The following ARHGAP4 variants were observed in gnomAD, a reference collection of about 807,000 sequenced individuals.
ARHGAP4 encodes Rho GTPase activating protein 4.
In ARHGAP4, 25 loss-of-function variants were observed where a neutral mutation model predicts 67.6. That is an observed-to-expected ratio of 0.37 (90% CI 0.27 to 0.52). The LOEUF (loss-of-function observed/expected upper bound fraction) is 0.52, where lower values mean the gene tolerates loss of function less well. Among genes scored for constraint, ARHGAP4 ranks in the 20% least tolerant of loss-of-function variants. The probability of loss-of-function intolerance (pLI) is 0.92; values close to 1 mark genes in which losing one functional copy is unlikely to be tolerated. For synonymous variants in ARHGAP4, 448 were observed against 373.7 expected (o/e 1.20, Z -2.29); for missense variants, 804 against 854.6 (o/e 0.94, Z 0.74).
In ARHGAP4 at chrX:153,921,789, C is replaced by G; in HGVS notation, c.88G>C (p.Glu30Gln). 8.4e-7 allele frequency: 1 copy of G among 1,191,509 alleles called. No homozygotes were observed. Among genetic ancestry groups the G allele is most frequent in the Non-Finnish European group, 1.1e-6 (1 of 886,711 alleles). ...QVKEMRWQLS[E>Q]QLRCLELQGE... is the part of the protein sequence containing the mutation. ...TGCAGCTCCAGGCAGCGCAGCTGCT[C>G]GCTCAGCTGCCAGCGCATCTCTGTG... Residue 30 changes from glutamate to glutamine, a missense_variant, in exon 2 of 22, where the codon GAG becomes CAG. By Grantham distance (29) the Glu-to-Gln change is conservative. Around this residue, in one of 2 missense-constraint regions of ARHGAP4, gnomAD observed 404 missense variants for 505.9 expected, o/e 0.80. Coordinates refer to ENST00000350060, the MANE Select transcript of ARHGAP4 (RefSeq NM_001666.5).
chrX:153,909,606 G>C, intron 19 of ARHGAP4, 71 bp from the exon 20 acceptor site: 2 of 1,111,670 alleles, frequency 1.8e-6, no homozygotes, highest in Non-Finnish European at 1.2e-6. Context: ...GCAGCTCCGC[G>C]CCAGCCAGGA....
Position 153,913,872 on chromosome X carries a change from T to C in ARHGAP4, c.1040A>G (p.Glu347Gly). ...YHPHDGDEVAEICVEMELRDE... is the reference protein window; with the variant it reads ...YHPHDGDEVAGICVEMELRDE... ...CCGCAGCTCCATTTCAACGCAGATCTCAGCCACCTGCAGAGGGCGGCGGCC... is the reference window on the plus strand; with the variant it reads ...CCGCAGCTCCATTTCAACGCAGATCCCAGCCACCTGCAGAGGGCGGCGGCC... Residue 347 changes from glutamate (E) to glycine (G), a missense_variant, in exon 8 of 22, where the codon GAG (glutamate) becomes GGG (glycine). This residue lies in a region of ARHGAP4 where 404 missense variants were observed against 505.9 expected (regional missense o/e 0.80). Coordinates refer to ENST00000350060, the MANE Select transcript of ARHGAP4 (RefSeq NM_001666.5). 1.7e-6 allele frequency: 2 copies of C among 1,211,714 alleles called. No individual in the cohort carries two copies. The highest frequency in any genetic ancestry group is 2.2e-6 in the Non-Finnish European group (2 of 895,216).
At chrX:153,925,095 G>A (rs782143506) in intron 1 of ARHGAP4, among the ~76,000 whole-genome samples, 1 of 111,960 alleles carries the variant, frequency 8.9e-6, no homozygotes, top group African/African-American at 3.2e-5. Context: ...TTTTGGGGAA[G>A]CAGGATGGAG....
intron 7 of ARHGAP4, among the ~76,000 whole-genome samples, chrX:153,914,898 G>T (rs1557104030): frequency 8.9e-6 from 1 of 111,757 alleles, no homozygotes; most frequent in East Asian, 2.8e-4. Flanking sequence ...AGAAAGGAAG[G>T]AATTACTCTT....
At chrX:153,919,718 G>A (rs1328100873) in intron 5 of ARHGAP4, 1 of 1,103,476 alleles carries the variant, frequency 9.1e-7, no homozygotes, top group Non-Finnish European at 1.2e-6. Flanking sequence ...AAAGGGTAGG[G>A]ATAGATCATC....
Position 153,926,246 on chromosome X carries a change from G to A in ARHGAP4, c.-44C>T. 2 of 1,053,082 alleles carry A rather than the reference G, an allele frequency of 1.9e-6. No individual in the cohort carries two copies. Among genetic ancestry groups the A allele is most frequent in the East Asian group, 4.3e-5 (1 of 23,404 alleles). 86.8% of individuals were successfully genotyped at this position (1,053,082 alleles called of 1,213,427 possible). ...CCGTCGAACCCCACTGCTCCCACGC[G>A]GCCGTGAGCGGGCCCGGCGCCGGGA... On this transcript the variant is annotated 5_prime_UTR_variant, in exon 1 of 22. Transcript: ENST00000350060.
In ARHGAP4 at chrX:153,921,505, G is replaced by A; in HGVS notation, c.295C>T (p.Pro99Ser). The A allele has an allele frequency of 8.4e-7, 1 of 1,194,933 alleles. No individual in the cohort carries two copies. The highest frequency in any genetic ancestry group is 1.1e-6 in the Non-Finnish European group (1 of 886,451). ...SFRKEPSLLS[P>S]LHCWAVLLQH... The stretch of plus-strand genomic sequence containing the variant: ...AGCAGCACCGCCCAGCAGTGCAAGG[G>A]CGACAGGAGGGACGGCTCCTTCCTG... The change falls in exon 3 of 22, where the codon CCC becomes TCC. Residue 99 changes from proline to serine, a missense_variant. By Grantham distance (74) the Pro-to-Ser change is moderately conservative (BLOSUM62 -1). Around this residue, in one of 2 missense-constraint regions of ARHGAP4, gnomAD observed 404 missense variants for 505.9 expected, o/e 0.80. Transcript: ENST00000350060.
intron 1 of ARHGAP4, among the ~76,000 whole-genome samples, chrX:153,924,047 G>A (rs1406524232): frequency 8.9e-6 from 1 of 111,899 alleles, no homozygotes; most frequent in African/African-American, 3.3e-5. Flanking sequence ...CCAAAGTGCT[G>A]GGATTACAGA....
chrX:153,909,883 T>G lies in ARHGAP4; in HGVS notation c.2272A>C (p.Thr758Pro). The change falls in exon 19 of 22, where the codon ACG (threonine) becomes CCG (proline). Residue 758 changes from threonine (T) to proline (P), a missense_variant. Physicochemically the swap from Thr to Pro is conservative, Grantham distance 38. Around this residue, in one of 2 missense-constraint regions of ARHGAP4, gnomAD observed 400 missense variants for 348.7 expected, o/e 1.15. Coordinates refer to ENST00000350060, the MANE Select transcript of ARHGAP4 (RefSeq NM_001666.5). ...VVEAVACFAY[T>P]GRTAQELSFR... ...CTCAGCTCCTGGGCTGTGCGGCCCG[T>G]GTAGGCAAAGCAGGCCACAGCCTCC... 2 of 1,203,922 alleles carry G rather than the reference T, an allele frequency of 1.7e-6. No homozygotes were observed. The highest frequency in any genetic ancestry group is 2.2e-6 in the Non-Finnish European group (2 of 892,455).
chrX:153,921,022 G>C, intron 4 of ARHGAP4, 75 bp downstream of exon 4: 1 of 1,118,898 alleles, frequency 8.9e-7, no homozygotes, highest in Non-Finnish European at 1.2e-6. Context: ...ATGGTCTGGC[G>C]GTGTTCCTCC....
intron 1 of ARHGAP4, chrX:153,922,601 C>A (rs1557105579): frequency 1.0e-5 from 2 of 194,012 alleles, no homozygotes; most frequent in Non-Finnish European, 7.8e-6. Context: ...AAAGAAGTGC[C>A]TGTCCAGCAA....
chrX:153,919,167 C>T lies in ARHGAP4; in HGVS notation c.798G>A (p.Leu266=). The change falls in exon 6 of 22, where the codon TTG becomes TTA. Residue 266 remains leucine, a synonymous_variant. Coordinates refer to ENST00000350060, the MANE Select transcript of ARHGAP4 (RefSeq NM_001666.5). Reference sequence around the variant, plus strand: ...ACCAAGGACTCACGTCCATGAGGTCCAAGACGTCATGCAGGTAGTAGTTAC... The same window carrying T: ...ACCAAGGACTCACGTCCATGAGGTCTAAGACGTCATGCAGGTAGTAGTTAC... ...AVSNYYLHDV[L]DLMDCCDTGF... The T allele has an allele frequency of 8.2e-7, 1 of 1,212,134 alleles. No homozygotes were observed. Among genetic ancestry groups the T allele is most frequent in the Non-Finnish European group, 1.1e-6 (1 of 895,568 alleles).
Position 153,919,240 on chromosome X carries a change from G to A in ARHGAP4, c.725C>T (p.Ala242Val). ...FMEHKLKCTK[A>V]RNEYLLSLAS... ...CAGGCTAAGCAGGTACTCGTTGCGC[G>A]CCTTTGTGCACTTGAGTTTGTGCTC... The change falls in exon 6 of 22, where the codon GCG (alanine) becomes GTG (valine). Residue 242 changes from alanine (A) to valine (V), a missense_variant. Ala to Val is a moderately conservative substitution (Grantham distance 64, BLOSUM62 0). Transcript: ENST00000350060. 3.3e-6 allele frequency: 4 copies of A among 1,212,145 alleles called. No homozygotes were observed. Among genetic ancestry groups the A allele is most frequent in the Non-Finnish European group, 3.3e-6 (3 of 895,594 alleles).
At chrX:153,918,556 A>G (rs2065070635) in intron 7 of ARHGAP4, among the ~76,000 whole-genome samples, 1 of 112,992 alleles carries the variant, frequency 8.9e-6, no homozygotes, top group Non-Finnish European at 1.9e-5. Context: ...ACGAAATTTA[A>G]AAACACAGAG....
Position 153,913,899 on chromosome X carries a change from G to A in ARHGAP4, c.1033-20C>T, listed in dbSNP as rs1365329732. The A allele has an allele frequency of 7.6e-6, 9 of 1,188,400 alleles. No homozygotes were observed. The highest frequency in any genetic ancestry group is 1.0e-5 in the Non-Finnish European group (9 of 876,052). ...AGCCACCTGCAGAGGGCGGCGGCCA[G>A]GGGGCTAAGGGCTGGGCTTGGGCAG... On this transcript the variant is annotated intron_variant, in intron 7 of 21. Coordinates refer to ENST00000350060, the MANE Select transcript of ARHGAP4 (RefSeq NM_001666.5).
intron 1 of ARHGAP4, 123 bp from the exon 2 acceptor site, chrX:153,921,932 G>A (rs782546098): frequency 2.6e-5 from 24 of 907,229 alleles, no homozygotes; most frequent in Middle Eastern, 4.2e-4. Context: ...GGGCTCCTTC[G>A]GACCCAGCCT....
chrX:153,913,076 T>G (rs782741535), intron 10 of ARHGAP4, 25 bp from the exon 11 acceptor site: 2 of 1,184,856 alleles, frequency 1.7e-6, no homozygotes, highest in South Asian at 3.7e-5. Flanking sequence ...AACATTGGTC[T>G]GCCTCTCGGG....
chrX:153,920,938 C>T (rs1246484147), intron 4 of ARHGAP4, 130 bp from the exon 5 acceptor site: 94 of 969,417 alleles, frequency 9.7e-5, no homozygotes, highest in Non-Finnish European at 1.2e-4. Context: ...CTTAGCCTAA[C>T]GCCCTGTGCC....
rs371442614 is a variant in ARHGAP4, at chrX:153,911,010, A to G, written c.1604-11T>C. The G allele has an allele frequency of 4.0e-5, 46 of 1,159,984 alleles. No homozygotes were observed. In the African/African-American group the frequency reaches 7.7e-4, roughly 20 times the overall value. On this transcript the variant is annotated splice_polypyrimidine_tract_variant and intron_variant, in intron 13 of 21. Transcript: ENST00000350060. The stretch of plus-strand genomic sequence containing the variant: ...CTTCATGCTGCAGGCCTGTGGGAGG[A>G]CAAGGAGCTGGTGGGCACTGAGCAT...
Sources: allele counts gnomAD v4.1 joint callset (sites outside exome capture counted in the v4.1 genomes callset), GRCh38; gene constraint gnomAD v4.1.1; regional missense constraint gnomAD v4.1.1; transcripts MANE v1.5; gene names NCBI Gene and HGNC (gene_info 2026-07-23, HGNC 2026-07-21).